The following CCDC167 variants were observed in gnomAD, a reference collection of about 807,000 sequenced individuals.
CCDC167 encodes coiled-coil domain-containing protein 167.
A neutral mutation model predicts 12.7 loss-of-function variants in CCDC167; 15 were observed. That is an observed-to-expected ratio of 1.18 (90% CI 0.79 to 1.81). The LOEUF (loss-of-function observed/expected upper bound fraction) is 1.81, where lower values mean the gene tolerates loss of function less well. Among genes scored for constraint, CCDC167 ranks in the 40% most tolerant of loss-of-function variants. The pLI, the probability that CCDC167 is intolerant of heterozygous loss-of-function variation, is 0.00. For synonymous variants in CCDC167, 52 were observed against 49.0 expected (o/e 1.06, Z -0.26); for missense variants, 121 against 120.1 (o/e 1.01, Z -0.03).
chr6:37,487,712 T>C (rs1761965848), intron 1 of CCDC167, among the ~76,000 whole-genome samples: 1 of 152,204 alleles, frequency 6.6e-6, no homozygotes, highest in Non-Finnish European at 1.5e-5. Context: ...AGCAAAATCT[T>C]AAAATTTTGA....
At chr6:37,490,332 G>C (rs535103634) in intron 1 of CCDC167, among the ~76,000 whole-genome samples, 5 of 152,336 alleles carry the variant, frequency 3.3e-5, no homozygotes, top group South Asian at 2.1e-4. Flanking sequence ...GATGGCTGGG[G>C]AGTCTGCCTA....
chr6:37,499,873 C>A lies in CCDC167; in HGVS notation c.-10G>T. ...GCTTCTTTTTAGTCATGTTACTTGC[C>A]GGGATCCCCCAGTCATCACTGGACG... On this transcript the variant is annotated 5_prime_UTR_variant, in exon 1 of 4. Transcript: ENST00000373408. The A allele has an allele frequency of 6.2e-7, 1 of 1,614,144 alleles. No individual in the cohort carries two copies.
chr6:37,494,337 A>G (rs1237274049), intron 1 of CCDC167, among the ~76,000 whole-genome samples: 1 of 152,180 alleles, frequency 6.6e-6, no homozygotes, highest in Non-Finnish European at 1.5e-5. Context: ...TGTTGGGATT[A>G]CAGGCGTGAG....
At position 37,496,171 on chromosome 6, in the gene CCDC167, C is replaced by T. The variant is rs186823839; in HGVS notation, c.42+3651G>A. Reference sequence around the variant, plus strand: ...AAATCCGGCCGAGTGTGGTGGCTCACGCCTGTAATCCCAGCACTTTGGGAG... The same window carrying T: ...AAATCCGGCCGAGTGTGGTGGCTCATGCCTGTAATCCCAGCACTTTGGGAG... On this transcript the variant is annotated intron_variant, in intron 1 of 3. Transcript: ENST00000373408. 2.0e-3 allele frequency among the ~76,000 whole-genome samples: 307 copies of T among 152,312 alleles called. 4 individuals carry two copies. Among genetic ancestry groups the T allele is most frequent in the Admixed American group, 0.018 (272 of 15,294 alleles).
chr6:37,485,416 C>T (rs1160276012), intron 1 of CCDC167, among the ~76,000 whole-genome samples: 1 of 152,250 alleles, frequency 6.6e-6, no homozygotes, highest in Non-Finnish European at 1.5e-5. Flanking sequence ...TGGCCTGAGC[C>T]ACACTGTAAA....
chr6:37,485,020 C>A, intron 2 of CCDC167, 80 bp downstream of exon 2: 1 of 1,471,254 alleles, frequency 6.8e-7, no homozygotes. Context: ...CTGCCTCAGG[C>A]CTACTTTGGG....
Position 37,483,289 on chromosome 6 carries a change from T to C in CCDC167, c.191A>G (p.Glu64Gly), listed in dbSNP as rs180956135. 29 of 1,608,326 alleles carry C rather than the reference T, an allele frequency of 1.8e-5. No individual in the cohort carries two copies. The Admixed American group carries it at 4.8e-4, about 27-fold the overall frequency. ...NSLMNKASNY[E>G]KELKFLRQEN... ...TTGCCGAAGAAACTTCAGTTCCTTC[T>C]CTGGGAGGAAAGAGGGTGATAGGGA... The change falls in exon 4 of 4, where the codon GAG becomes GGG. Residue 64 changes from glutamate (E) to glycine (G), a missense_variant and splice_region_variant. Glu to Gly is a moderately conservative substitution (Grantham distance 98). Transcript: ENST00000373408.
At chr6:37,483,950 T>G (rs1037833351) in intron 3 of CCDC167, among the ~76,000 whole-genome samples, 18 of 152,122 alleles carry the variant, frequency 1.2e-4, no homozygotes, top group Admixed American at 8.5e-4. Flanking sequence ...AATTGAGTGG[T>G]GGTGTGGTTT....
intron 1 of CCDC167, among the ~76,000 whole-genome samples, chr6:37,492,171 A>G (rs1359997869): frequency 6.6e-6 from 1 of 152,220 alleles, no homozygotes; most frequent in Non-Finnish European, 1.5e-5. Flanking sequence ...TGAAGCCTGA[A>G]TCTGGGTTTT....
intron 3 of CCDC167, 139 bp from the exon 4 acceptor site, chr6:37,483,428 T>G (rs571179123): frequency 2.1e-5 from 13 of 630,578 alleles, no homozygotes; most frequent in Non-Finnish European, 3.5e-5. Context: ...TAAAAATGAC[T>G]CTGCCCTTCT....
At chr6:37,483,382 G>A (rs987595809) in intron 3 of CCDC167, 93 bp from the exon 4 acceptor site, 1 of 817,482 alleles carries the variant, frequency 1.2e-6, no homozygotes, top group South Asian at 1.4e-5. Flanking sequence ...CACTGCTGAG[G>A]GCAAAGACGC....
In CCDC167 at chr6:37,483,253, T is replaced by C; in HGVS notation, c.227A>G (p.Lys76Arg). ...ELKFLRQENRKNMLLSVAIFI... is the reference protein window; with the variant it reads ...ELKFLRQENRRNMLLSVAIFI... ...GATGGCCACAGAGAGCAGCATGTTC[T>C]TCCGGTTCTCTTGCCGAAGAAACTT... Residue 76 changes from lysine (K) to arginine (R), a missense_variant, in exon 4 of 4, where the codon AAG (lysine) becomes AGG (arginine). By Grantham distance (26) the Lys-to-Arg change is conservative. Transcript: ENST00000373408. The C allele has an allele frequency of 6.2e-7, 1 of 1,614,152 alleles. No individual in the cohort carries two copies. The highest frequency in any genetic ancestry group is 1.6e-4 in the Middle Eastern group (1 of 6,062).
At chr6:37,483,387 A>G in intron 3 of CCDC167, 98 bp from the exon 4 acceptor site, 1 of 780,794 alleles carries the variant, frequency 1.3e-6, no homozygotes, top group Admixed American at 1.9e-5. Flanking sequence ...CTGAGGGCAA[A>G]GACGCACCCT....
chr6:37,499,668 G>A (rs922453615), intron 1 of CCDC167, among the ~76,000 whole-genome samples, 154 bp downstream of exon 1: 2 of 152,000 alleles, frequency 1.3e-5, no homozygotes, highest in African/African-American at 4.8e-5. Context: ...GAACCCCGTG[G>A]GCCTTCTCAC....
chr6:37,483,044 G>A lies in CCDC167; in HGVS notation c.*142C>T, dbSNP rs1172994965. On this transcript the variant is annotated 3_prime_UTR_variant, in exon 4 of 4. Transcript: ENST00000373408. ...CAGCAGGCCAGGGAGGCAAGGCCTGGGCCGCCAGGAAGCCATGCTTGAACA... is the reference window on the plus strand; with the variant it reads ...CAGCAGGCCAGGGAGGCAAGGCCTGAGCCGCCAGGAAGCCATGCTTGAACA... 1.3e-6 allele frequency: 1 copy of A among 745,086 alleles called. No individual in the cohort carries two copies. The highest frequency in any genetic ancestry group is 1.5e-5 in the South Asian group (1 of 68,066). The allele number at this position is 745,086 out of a possible 1,614,324, so 46.2% of individuals were successfully genotyped here.
chr6:37,492,128 G>C (rs1762029747), intron 1 of CCDC167, among the ~76,000 whole-genome samples: 1 of 152,224 alleles, frequency 6.6e-6, no homozygotes, highest in African/African-American at 2.4e-5. Flanking sequence ...TCAGCACCTT[G>C]CCCAAGGTCG....
At chr6:37,490,743 C>T (rs1762007966) in intron 1 of CCDC167, among the ~76,000 whole-genome samples, 1 of 152,126 alleles carries the variant, frequency 6.6e-6, no homozygotes, top group Admixed American at 6.5e-5. Flanking sequence ...GGGACAAGGC[C>T]CTAGCCAAGT....
intron 1 of CCDC167, among the ~76,000 whole-genome samples, chr6:37,490,753 T>C (rs540714960): frequency 1.9e-4 from 29 of 152,230 alleles, no homozygotes; most frequent in African/African-American, 7.0e-4. Flanking sequence ...CCTAGCCAAG[T>C]AGGGCCGTCA....
intron 1 of CCDC167, among the ~76,000 whole-genome samples, chr6:37,487,421 C>T (rs1014601049): frequency 2.0e-5 from 3 of 152,176 alleles, no homozygotes; most frequent in African/African-American, 4.8e-5. Flanking sequence ...GCAACTGGAG[C>T]CTGAAACCTC....
Sources: allele counts gnomAD v4.1 joint callset (sites outside exome capture counted in the v4.1 genomes callset), GRCh38; gene constraint gnomAD v4.1.1; transcripts MANE v1.5; gene names NCBI Gene and HGNC (gene_info 2026-07-23, HGNC 2026-07-21).